Variants in LTN1 observed in about 807,000 individuals in gnomAD.
The protein encoded by LTN1 is E3 ubiquitin-protein ligase listerin.
A neutral mutation model predicts 201.2 loss-of-function variants in LTN1; 88 were observed. The observed-to-expected ratio is 0.44, with a 90% CI of 0.37 to 0.52. The LOEUF is 0.52. Ranked by LOEUF, LTN1 falls within the 20% of genes least tolerant of loss-of-function variation. The pLI, the probability that LTN1 is intolerant of heterozygous loss-of-function variation, is 0.00. For synonymous variants in LTN1, 645 were observed against 713.5 expected (o/e 0.90, Z 1.53); for missense variants, 1,752 against 2,038.7 (o/e 0.86, Z 2.71).
chr21:28,953,427 C>T lies in LTN1; in HGVS notation c.3080-51G>A, dbSNP rs779167509. 21 of 1,337,038 alleles carry T rather than the reference C, an allele frequency of 1.6e-5. No individual in the cohort carries two copies. The South Asian group carries it at 2.4e-4, about 15-fold the overall frequency. The allele number at this position is 1,337,038 out of a possible 1,614,324, so 82.8% of individuals were successfully genotyped here. ...ATGAAAAGCACTCTGTGAACAAACC[C>T]TTCAATTACTTTCACTTCTCCACCT... On this transcript the variant is annotated intron_variant, in intron 16 of 29. Coordinates refer to ENST00000361371, the MANE Select transcript of LTN1 (RefSeq NM_015565.3).
intron 13 of LTN1, 114 bp from the exon 14 acceptor site, chr21:28,958,653 A>C: frequency 1.4e-6 from 1 of 733,514 alleles, no homozygotes; most frequent in South Asian, 2.2e-5. Flanking sequence ...CATTTAAAAA[A>C]GAAAAATTTT....
chr21:28,980,071 G>A (rs1390730489), intron 6 of LTN1, among the ~76,000 whole-genome samples: 1 of 152,106 alleles, frequency 6.6e-6, no homozygotes, highest in African/African-American at 2.4e-5. Flanking sequence ...TCCCAGCTGA[G>A]GTTGAACAAG....
chr21:28,981,354 T>C (rs2084657440), intron 5 of LTN1, 55 bp from the exon 6 acceptor site: 1 of 943,638 alleles, frequency 1.1e-6, no homozygotes, highest in Non-Finnish European at 1.5e-6. Flanking sequence ...CCAAACTATA[T>C]ATCTGGTGGT....
intron 21 of LTN1, among the ~76,000 whole-genome samples, chr21:28,945,461 A>G (rs923112932): frequency 1.3e-5 from 2 of 152,202 alleles, no homozygotes; most frequent in African/African-American, 4.8e-5. Context: ...ATATTCACAC[A>G]GTATGTTTTA....
chr21:28,985,615 AAC>A (rs1601005349), intron 3 of LTN1, among the ~76,000 whole-genome samples: 1 of 152,134 alleles, frequency 6.6e-6, no homozygotes, highest in Non-Finnish European at 1.5e-5. Flanking sequence ...AATTTCTGAA[AAC>A]AGACTTCCTA....
intron 6 of LTN1, among the ~76,000 whole-genome samples, chr21:28,976,507 G>A (rs1187759774): frequency 2.0e-5 from 3 of 151,508 alleles, no homozygotes; most frequent in African/African-American, 4.9e-5. Flanking sequence ...GGCTGAGGCA[G>A]GAGAATCACT....
intron 6 of LTN1, among the ~76,000 whole-genome samples, chr21:28,973,346 CAAAAAAA>C (rs771261669): frequency 4.9e-5 from 3 of 61,772 alleles, no homozygotes; most frequent in Non-Finnish European, 9.8e-5. Flanking sequence ...GAATCCGTCC[CAAAAAAA>C]AAAAAAAAAA....
Position 28,981,222 on chromosome 21 carries a change from A to G in LTN1, c.707T>C (p.Leu236Pro). The change falls in exon 6 of 30, where the codon CTT becomes CCT. Residue 236 changes from leucine (L) to proline (P), a missense_variant. Transcript: ENST00000361371. ...TCSLLALKRLLCLLPDNELDS... is the reference protein window; with the variant it reads ...TCSLLALKRLPCLLPDNELDS... ...AAGCTCATTATCAGGTAAAAGGCAA[A>G]GTAATCTCTTTAATGCCAATAAGGA... The G allele has an allele frequency of 6.2e-7, 1 of 1,600,246 alleles. No homozygotes were observed. The highest frequency in any genetic ancestry group is 8.5e-7 in the Non-Finnish European group (1 of 1,175,914).
intron 1 of LTN1, among the ~76,000 whole-genome samples, chr21:28,987,646 A>C (rs2084708505): frequency 6.6e-6 from 1 of 152,226 alleles, no homozygotes; most frequent in African/African-American, 2.4e-5. Context: ...CTGATACACA[A>C]TATAGTAGTC....
At chr21:28,952,526 A>G (rs1318705889) in intron 17 of LTN1, among the ~76,000 whole-genome samples, 1 of 152,128 alleles carries the variant, frequency 6.6e-6, no homozygotes, top group Non-Finnish European at 1.5e-5. Context: ...CCAATAGGGG[A>G]GATGATCTTA....
intron 6 of LTN1, among the ~76,000 whole-genome samples, chr21:28,972,182 T>C (rs764313953): frequency 3.3e-5 from 5 of 152,140 alleles, no homozygotes; most frequent in Non-Finnish European, 4.4e-5. Context: ...CAGCAAAAAG[T>C]AGCCATCTTT....
intron 27 of LTN1, among the ~76,000 whole-genome samples, chr21:28,933,755 C>CA (rs1431778519): frequency 6.6e-6 from 1 of 151,400 alleles, no homozygotes; most frequent in Non-Finnish European, 1.5e-5. Context: ...CGGCTCACCA[C>CA]AACCTCCGCC....
intron 6 of LTN1, among the ~76,000 whole-genome samples, chr21:28,972,046 G>C (rs1470125242): frequency 1.3e-5 from 2 of 152,284 alleles, no homozygotes; most frequent in East Asian, 3.9e-4. Context: ...CAGTGTGATA[G>C]TATTAAGAAG....
In LTN1 at chr21:28,986,199, G is replaced by GTC; in HGVS notation, c.283_284dup (p.Asp95GlufsTer6). On this transcript the variant is annotated frameshift_variant, in exon 3 of 30. Transcript: ENST00000361371. LOFTEE classifies it high-confidence loss of function. The surrounding 1 kb of genome is among the most constrained non-coding windows in gnomAD (Gnocchi z 4.1). The stretch of plus-strand genomic sequence containing the variant: ...GAAGAACTCCTTTCACAGTTTCTGT[G>GTC]TCTCTCTCTGTACACATGGTTCCAA... 1.9e-6 allele frequency: 3 copies of GTC among 1,613,336 alleles called. No homozygotes were observed. Among genetic ancestry groups the GTC allele is most frequent in the Non-Finnish European group, 2.5e-6 (3 of 1,179,408 alleles).
In LTN1 at chr21:28,941,221, T is replaced by C; in HGVS notation, c.4481A>G (p.Gln1494Arg). ...ILTFFKAASSQLRALYSMYLR... is the reference protein window; with the variant it reads ...ILTFFKAASSRLRALYSMYLR... ...GAAAGTTGTCACATATTTATTTACC[T>C]GTGATGATGCAGCTTTGAAGAAAGT... Residue 1494 changes from glutamine to arginine, a missense_variant and splice_region_variant, in exon 25 of 30, where the codon CAG (glutamine) becomes CGG (arginine). Physicochemically the swap from Gln to Arg is conservative, Grantham distance 43. Around this residue, in one of 3 missense-constraint regions of LTN1, gnomAD observed 261 missense variants for 350.1 expected, o/e 0.75. Coordinates refer to ENST00000361371, the MANE Select transcript of LTN1 (RefSeq NM_015565.3). The C allele has an allele frequency of 6.2e-7, 1 of 1,608,564 alleles. No individual in the cohort carries two copies. Among genetic ancestry groups the C allele is most frequent in the Non-Finnish European group, 8.5e-7 (1 of 1,176,286 alleles).
chr21:28,938,901 C>T (rs1052407253), intron 25 of LTN1, among the ~76,000 whole-genome samples: 36 of 151,972 alleles, frequency 2.4e-4, no homozygotes, highest in African/African-American at 5.3e-4. Context: ...TCAGGAGCTG[C>T]GGGGTTTGAG....
chr21:28,943,416 C>A, intron 23 of LTN1, 80 bp from the exon 24 acceptor site: 1 of 835,278 alleles, frequency 1.2e-6, no homozygotes, highest in Non-Finnish European at 2.0e-6. Flanking sequence ...AAGACCAATA[C>A]TTATTTTATA....
At chr21:28,953,113 C>T in intron 17 of LTN1, 104 bp downstream of exon 17, 1 of 683,382 alleles carries the variant, frequency 1.5e-6, no homozygotes, top group South Asian at 2.7e-5. Flanking sequence ...TAGATCAATC[C>T]TCTGACTGAA....
intron 1 of LTN1, among the ~76,000 whole-genome samples, chr21:28,988,800 T>G (rs933801315): frequency 6.6e-6 from 1 of 151,744 alleles, no homozygotes; most frequent in African/African-American, 2.4e-5. Context: ...ACGCCGTCTC[T>G]ACTAAAAATA....
Sources: gnomAD v4.1 joint callset for allele counts (sites outside exome capture counted in the v4.1 genomes callset) on GRCh38, gnomAD v4.1.1 for gene constraint, gnomAD v4.1.1 regional missense constraint, Gnocchi (gnomAD v3.1) non-coding constraint, MANE v1.5 for transcripts, NCBI Gene and HGNC (gene_info 2026-07-23, HGNC 2026-07-21) for gene names.